Variants in CCDC78 observed in about 807,000 individuals in gnomAD.
CCDC78 encodes the protein coiled-coil domain-containing protein 78.
In CCDC78, 78 loss-of-function variants were observed where a neutral mutation model predicts 61.9. The observed-to-expected ratio is 1.26, with a 90% CI of 1.05 to 1.52. CCDC78 has a LOEUF of 1.52. Ranked by LOEUF, CCDC78 falls within the 40% of genes most tolerant of loss-of-function variation. CCDC78 has a pLI of 0.00. For synonymous variants in CCDC78, 287 were observed against 251.9 expected (o/e 1.14, Z -1.32); for missense variants, 737 against 615.5 (o/e 1.20, Z -2.09).
intron 3 of CCDC78, 59 bp from the exon 4 acceptor site, chr16:725,639 A>G: frequency 6.3e-7 from 1 of 1,588,070 alleles, no homozygotes; most frequent in South Asian, 1.1e-5. Context: ...GGGTAGGTGA[A>G]CATTCACCCG....
At position 722,714 on chromosome 16, in the gene CCDC78, T is replaced by A; in HGVS notation, c.1377A>T (p.Pro459=). 2 of 1,610,308 alleles carry A rather than the reference T, an allele frequency of 1.2e-6. No individual in the cohort carries two copies. The highest frequency in any genetic ancestry group is 4.5e-5 in the East Asian group (2 of 44,882). ...CGGTCCTTGGATGCTGGGGCTTGGC[T>A]GGAGGCACAGCCCCCACTTTCCAGG... ...GDPWKVGAVP[P]AKPQHPRTGS... Residue 459 remains proline (P), a synonymous_variant, in exon 14 of 14, where the codon CCA becomes CCT. Coordinates refer to ENST00000345165, the MANE Select transcript of CCDC78 (RefSeq NM_001378030.1).
At chr16:722,899 C>T in intron 13 of CCDC78, 23 bp downstream of exon 13, 2 of 1,610,650 alleles carry the variant, frequency 1.2e-6, no homozygotes, top group Non-Finnish European at 1.7e-6. Context: ...GCCCTGGGGT[C>T]ACACCCAGCT....
chr16:725,031 G>A, intron 6 of CCDC78, 42 bp from the exon 7 acceptor site: 2 of 1,612,532 alleles, frequency 1.2e-6, no homozygotes, highest in Non-Finnish European at 1.7e-6. Context: ...CACGATCAGG[G>A]GTTCTCTCTG....
rs2040895994 is a variant in CCDC78, at chr16:726,066, T to C, written c.80A>G (p.Asp27Gly). 11 of 1,548,770 alleles carry C rather than the reference T, an allele frequency of 7.1e-6. No individual in the cohort carries two copies. The highest frequency in any genetic ancestry group is 9.6e-6 in the Non-Finnish European group (11 of 1,146,684). The change falls in exon 2 of 14, where the codon GAC (aspartate) becomes GGC (glycine). Residue 27 changes from aspartate to glycine, a missense_variant. Asp to Gly is a moderately conservative substitution (Grantham distance 94). Coordinates refer to ENST00000345165, the MANE Select transcript of CCDC78 (RefSeq NM_001378030.1). ...RVENVVLRAK[D>G]WLPGAPGGTA... is the part of the protein sequence containing the mutation. ...GCCCCCAGGAGCTCCTGGCAGCCAGTCCTTGGCTCGTAGCACAACCTGGGG... is the reference window on the plus strand; with the variant it reads ...GCCCCCAGGAGCTCCTGGCAGCCAGCCCTTGGCTCGTAGCACAACCTGGGG...
rs151049173 is a variant in CCDC78, at chr16:724,352, C to A, written c.923G>T (p.Arg308Leu). The A allele has an allele frequency of 6.2e-7, 1 of 1,612,198 alleles. No homozygotes were observed. The highest frequency in any genetic ancestry group is 1.7e-5 in the Admixed American group (1 of 60,006). The change falls in exon 9 of 14, where the codon CGC becomes CTC. Residue 308 changes from arginine (R) to leucine (L), a missense_variant. Arg to Leu is a moderately radical substitution (Grantham distance 102, BLOSUM62 -2). Transcript: ENST00000345165. The part of the protein sequence containing the change: ...SYHKRLVDLS[R>L]RHEELLVAYR... ...GGCAACCAGTAGCTCTTCATGCCTG[C>A]GGCTCAGATCCACCAGCCTCTTGTG...
At chr16:723,445 C>G in intron 11 of CCDC78, 1 of 692,410 alleles carries the variant, frequency 1.4e-6, no homozygotes, top group Non-Finnish European at 2.6e-6. Flanking sequence ...GATGCCACCC[C>G]CACACGGGTG....
Position 723,132 on chromosome 16 carries a change from A to T in CCDC78, c.1163T>A (p.Ile388Asn), listed in dbSNP as rs1446881287. 8 of 1,612,636 alleles carry T rather than the reference A, an allele frequency of 5.0e-6. No homozygotes were observed. The highest frequency in any genetic ancestry group is 6.8e-6 in the Non-Finnish European group (8 of 1,179,992). Residue 388 changes from isoleucine to asparagine, a missense_variant, in exon 12 of 14, where the codon ATC (isoleucine) becomes AAC (asparagine). Transcript: ENST00000345165. ...QGLDAASWAQ[I>N]HQKLRDFSRS... ...GGAGAAGTCCCGGAGCTTCTGGTGG[A>T]TCTGGGCCCAGGATGCAGCGTCCAG...
rs868059787 is a variant in CCDC78 at position 726,348 on chromosome 16, G to A, written c.20C>T (p.Thr7Ile). MEHAAT[T>I]GPRPGPPSRR... The stretch of plus-strand genomic sequence containing the variant: ...AGAGGGAGGTCCAGGCCTGGGGCCT[G>A]TGGTGGCTGCGTGCTCCATAGGCTA... The change falls in exon 1 of 14, where the codon ACA (threonine) becomes ATA (isoleucine). Residue 7 changes from threonine to isoleucine, a missense_variant. Transcript: ENST00000345165. 5 of 1,542,960 alleles carry A rather than the reference G, an allele frequency of 3.2e-6. No individual in the cohort carries two copies. The African/African-American group carries it at 5.5e-5, about 17-fold the overall frequency.
In CCDC78 at chr16:725,573, C is replaced by T. The variant is rs766279961; in HGVS notation, c.275G>A (p.Arg92Gln). The T allele has an allele frequency of 7.0e-5, 113 of 1,607,758 alleles. No individual in the cohort carries two copies. Among genetic ancestry groups the T allele is most frequent in the Non-Finnish European group, 8.6e-5 (101 of 1,177,794 alleles). ...EIFQLKSEILRLESRVLELEL... is the reference protein window; with the variant it reads ...EIFQLKSEILQLESRVLELEL... ...CAGCTCCAGTACCCGGCTCTCCAGC[C>T]GAAGGATCTGTGGGACAACTGGCAT... Residue 92 changes from arginine to glutamine, a missense_variant, in exon 4 of 14, where the codon CGG (arginine) becomes CAG (glutamine). Arg to Gln is a conservative substitution (Grantham distance 43). Transcript: ENST00000345165.
At position 722,948 on chromosome 16, in the gene CCDC78, C is replaced by T. The variant is rs760280521; in HGVS notation, c.1275G>A (p.Gln425=). The T allele has an allele frequency of 3.9e-5, 63 of 1,612,390 alleles. No individual in the cohort carries two copies. In the Admixed American group the frequency reaches 1.0e-3, roughly 26 times the overall value. The part of the protein sequence containing the change: ...TMAEEQLSEL[Q]EYVDQHLGRY... ...TGCCCAGGTGCTGGTCCACGTACTC[C>T]TGTAGCTCAGAAAGTTGCTCTTCAG... The change falls in exon 13 of 14, where the codon CAG becomes CAA. Residue 425 remains glutamine, a synonymous_variant. Transcript: ENST00000345165.
intron 11 of CCDC78, 101 bp downstream of exon 11, chr16:723,756 C>G: frequency 9.2e-7 from 1 of 1,082,146 alleles, no homozygotes; most frequent in Non-Finnish European, 1.4e-6. Flanking sequence ...CAGACCCTGT[C>G]TGGCGGGGGC....
chr16:726,795 C>T, upstream of CCDC78: 3 of 201,144 alleles, frequency 1.5e-5, no homozygotes, highest in Middle Eastern at 2.0e-3. Flanking sequence ...GCACCTCTGG[C>T]CTGAGAAGAG....
rs1168922750 is a variant in CCDC78, at chr16:726,074, T to C, written c.72A>G (p.Arg24=). 1.4e-5 allele frequency: 21 copies of C among 1,548,668 alleles called. No homozygotes were observed. The highest frequency in any genetic ancestry group is 1.7e-5 in the Non-Finnish European group (20 of 1,146,626). Residue 24 remains arginine (R), a synonymous_variant, in exon 2 of 14, where the codon CGA becomes CGG. Coordinates refer to ENST00000345165, the MANE Select transcript of CCDC78 (RefSeq NM_001378030.1). ...PSRRVENVVL[R]AKDWLPGAPG... ...GAGCTCCTGGCAGCCAGTCCTTGGCTCGTAGCACAACCTGGGGAGGTACCG... is the reference window on the plus strand; with the variant it reads ...GAGCTCCTGGCAGCCAGTCCTTGGCCCGTAGCACAACCTGGGGAGGTACCG...
In CCDC78 at chr16:724,086, C is replaced by T. The variant is rs200002179; in HGVS notation, c.1053+20G>A. ...TGGGGGGCACCCGGGCCTGGAGCTTCTGGGGGTCTCTAGCCTCACCTGGTC... is the reference window on the plus strand; with the variant it reads ...TGGGGGGCACCCGGGCCTGGAGCTTTTGGGGGTCTCTAGCCTCACCTGGTC... On this transcript the variant is annotated intron_variant, in intron 10 of 13. Transcript: ENST00000345165. The T allele has an allele frequency of 3.4e-5, 53 of 1,575,798 alleles. No homozygotes were observed. The African/African-American group carries it at 6.9e-4, about 21-fold the overall frequency.
In CCDC78 at chr16:725,995, G is replaced by C. The variant is rs1064794620; in HGVS notation, c.151C>G (p.Leu51Val). ...AGCTGCTGCTCCTTATTGAGCGCTA[G>C]ATCTGGTGGGACCTCTGCTTCCAAG... is the stretch of plus-strand genomic sequence containing the variant. Reference protein sequence around the residue: ...TSLEAEVPPDLALNKEQQLQI... With the variant: ...TSLEAEVPPDVALNKEQQLQI... Residue 51 changes from leucine to valine, a missense_variant, in exon 2 of 14, where the codon CTA (leucine) becomes GTA (valine). Leu to Val is a conservative substitution (Grantham distance 32). Coordinates refer to ENST00000345165, the MANE Select transcript of CCDC78 (RefSeq NM_001378030.1). 6.5e-6 allele frequency: 10 copies of C among 1,550,370 alleles called. No individual in the cohort carries two copies. Among genetic ancestry groups the C allele is most frequent in the Non-Finnish European group, 7.8e-6 (9 of 1,147,426 alleles).
At chr16:726,714 TACA>T, upstream of CCDC78, 1 of 439,652 alleles carries the variant, frequency 2.3e-6, no homozygotes. Context: ...TGCCCTGAGC[TACA>T]CTCGCTGGAC....
At position 724,419 on chromosome 16, in the gene CCDC78, G is replaced by C; in HGVS notation, c.856C>G (p.Arg286Gly). The change falls in exon 9 of 14, where the codon CGC becomes GGC. Residue 286 changes from arginine (R) to glycine (G), a missense_variant. By Grantham distance (125) the Arg-to-Gly change is moderately radical. Transcript: ENST00000345165. ...CGGGCCAGCTGCTGCTCACGGCTGC[G>C]GTGCGCTGCCCGGATGTCCTCCAGA... ...ATLEDIRAAHRSREQQLARAA... is the reference protein window; with the variant it reads ...ATLEDIRAAHGSREQQLARAA... The C allele has an allele frequency of 1.2e-6, 2 of 1,609,300 alleles. No individual in the cohort carries two copies. Among genetic ancestry groups the C allele is most frequent in the Non-Finnish European group, 1.7e-6 (2 of 1,179,928 alleles).
chr16:726,496 G>A (rs1186724418), upstream of CCDC78: 7 of 1,196,066 alleles, frequency 5.9e-6, no homozygotes, highest in Non-Finnish European at 6.9e-6. Flanking sequence ...TGACTCCCAG[G>A]GCACCGCCCA....
chr16:722,927 C>T lies in CCDC78; in HGVS notation c.1296G>A (p.Leu432=). 6.2e-7 allele frequency: 1 copy of T among 1,612,226 alleles called. No homozygotes were observed. Among genetic ancestry groups the T allele is most frequent in the South Asian group, 1.1e-5 (1 of 91,082 alleles). ...ACCCAGCTCCCTCTGCCCACCTGCC[C>T]AGGTGCTGGTCCACGTACTCCTGTA... The part of the protein sequence containing the change: ...SELQEYVDQH[L]GRYKHEILRL... Residue 432 remains leucine (L), a synonymous_variant, in exon 13 of 14, where the codon CTG becomes CTA. Coordinates refer to ENST00000345165, the MANE Select transcript of CCDC78 (RefSeq NM_001378030.1).
Sources: allele counts gnomAD v4.1 joint callset, GRCh38; gene constraint gnomAD v4.1.1; transcripts MANE v1.5; gene names NCBI Gene and HGNC (gene_info 2026-07-23, HGNC 2026-07-21).